Variants in ESRP1 observed in about 807,000 individuals in gnomAD.
ESRP1 encodes epithelial splicing regulatory protein 1.
ESRP1 carries 33 observed loss-of-function variants against 81.7 expected under a neutral mutation model. That is an observed-to-expected ratio of 0.40 (90% CI 0.31 to 0.54). The LOEUF (loss-of-function observed/expected upper bound fraction) is 0.54. Among genes scored for constraint, ESRP1 ranks in the 20% least tolerant of loss-of-function variants. The pLI is 0.41. For missense variants in ESRP1, 672 were observed against 833.1 expected, an observed-to-expected ratio of 0.81 and a Z score of 2.38; for synonymous variants, 320 against 303.3, an observed-to-expected ratio of 1.06 and a Z score of -0.57.
At chr8:94,675,899 G>A (rs1819564239) in intron 12 of ESRP1, among the ~76,000 whole-genome samples, 1 of 152,208 alleles carries the variant, frequency 6.6e-6, no homozygotes, top group South Asian at 2.1e-4. Flanking sequence ...GGAGGCCAAG[G>A]TGGGAGGATC....
intron 14 of ESRP1, among the ~76,000 whole-genome samples, 175 bp from the exon 15 acceptor site, chr8:94,696,677 A>T (rs991203343): frequency 6.6e-6 from 1 of 152,176 alleles, no homozygotes; most frequent in African/African-American, 2.4e-5. Flanking sequence ...TGGTATTTAA[A>T]CATGTTAAGA....
In ESRP1 at chr8:94,696,844, C is replaced by T. The variant is rs372780828; in HGVS notation, c.1972-8C>T. On this transcript the variant is annotated splice_region_variant and splice_polypyrimidine_tract_variant and intron_variant, in intron 14 of 15. Coordinates refer to ENST00000433389, the MANE Select transcript of ESRP1 (RefSeq NM_017697.4). ...TTTTGATCTTGTTTGTTTTAACTTGCATTTTAGTATGCAACCGAGGATGGA... is the reference window on the plus strand; with the variant it reads ...TTTTGATCTTGTTTGTTTTAACTTGTATTTTAGTATGCAACCGAGGATGGA... The T allele has an allele frequency of 1.3e-6, 2 of 1,567,488 alleles. No individual in the cohort carries two copies. The highest frequency in any genetic ancestry group is 1.4e-5 in the African/African-American group (1 of 73,882).
In ESRP1 at chr8:94,689,407, T is replaced by C. The variant is rs75073315; in HGVS notation, c.1821-3270T>C. ...TCTAAGTCTATTATTTTTGATGCTA[T>C]AGTGAATGGAATTGTTTTATTTTTG... On this transcript the variant is annotated intron_variant, in intron 13 of 15. Transcript: ENST00000433389. Among the ~76,000 whole-genome samples, 496 of 152,236 alleles carry C rather than the reference T, an allele frequency of 3.3e-3. 3 individuals carry two copies. The highest frequency in any genetic ancestry group is 0.011 in the African/African-American group (470 of 41,550).
At chr8:94,671,909 C>T (rs749206451) in intron 11 of ESRP1, among the ~76,000 whole-genome samples, 1 of 152,122 alleles carries the variant, frequency 6.6e-6, no homozygotes, top group Non-Finnish European at 1.5e-5. Flanking sequence ...TAAGGAAAGA[C>T]TTAACTGTAA....
intron 3 of ESRP1, among the ~76,000 whole-genome samples, 185 bp from the exon 4 acceptor site, chr8:94,645,983 G>A (rs2130535905): frequency 6.6e-6 from 1 of 152,232 alleles, no homozygotes; most frequent in Admixed American, 6.5e-5. Context: ...TTTTTTTCAT[G>A]AGACTTGTAC....
chr8:94,657,497 G>C (rs1320209764), intron 4 of ESRP1, among the ~76,000 whole-genome samples: 1 of 151,676 alleles, frequency 6.6e-6, no homozygotes, highest in Non-Finnish European at 1.5e-5. Context: ...GTGTGTGTGT[G>C]TGTGTGTAAG....
chr8:94,669,443 C>CT, intron 10 of ESRP1, among the ~76,000 whole-genome samples: 1 of 152,176 alleles, frequency 6.6e-6, no homozygotes, highest in East Asian at 1.9e-4. Flanking sequence ...AGTTAAGAAC[C>CT]TTTTTACCTA....
rs538848501 is a variant in ESRP1, at chr8:94,658,091, T to C, written c.491-4181T>C. On this transcript the variant is annotated intron_variant, in intron 4 of 15. Transcript: ENST00000433389. ...CACATCCGGCTAATTTTTGTATTTT[T>C]AGTCGAGACAGGAGTTCACCATGTT... is the stretch of plus-strand genomic sequence containing the variant. Among the ~76,000 whole-genome samples the C allele has an allele frequency of 1.6e-4, 24 of 152,320 alleles. No individual in the cohort carries two copies. The East Asian group carries it at 3.9e-3, about 24-fold the overall frequency.
At chr8:94,653,623 C>T (rs2130568577) in intron 4 of ESRP1, among the ~76,000 whole-genome samples, 1 of 152,228 alleles carries the variant, frequency 6.6e-6, no homozygotes, top group Non-Finnish European at 1.5e-5. Context: ...TTATGTGAGA[C>T]TAGAGGTAGA....
At chr8:94,660,743 A>C (rs1301960987) in intron 4 of ESRP1, among the ~76,000 whole-genome samples, 34 of 111,070 alleles carry the variant, frequency 3.1e-4, no homozygotes, top group African/African-American at 9.5e-4. Context: ...AAAAAAAAAA[A>C]CCAAAACAAA....
intron 12 of ESRP1, among the ~76,000 whole-genome samples, chr8:94,674,937 G>A (rs780648861): frequency 4.0e-5 from 6 of 151,898 alleles, no homozygotes; most frequent in Non-Finnish European, 8.8e-5. Context: ...TTAACTTTTT[G>A]AGCATCAAGT....
intron 11 of ESRP1, among the ~76,000 whole-genome samples, chr8:94,672,040 G>A (rs1030272481): frequency 1.3e-5 from 2 of 152,098 alleles, no homozygotes; most frequent in Admixed American, 1.3e-4. Context: ...AAGTAGGCAT[G>A]ACATATATTA....
At chr8:94,655,344 C>T (rs971546707) in intron 4 of ESRP1, among the ~76,000 whole-genome samples, 3 of 150,832 alleles carry the variant, frequency 2.0e-5, no homozygotes. Context: ...GCCTCGGCCT[C>T]CCTAAATGCT....
At chr8:94,642,815 C>G (rs1056038935) in intron 2 of ESRP1, among the ~76,000 whole-genome samples, 1 of 152,192 alleles carries the variant, frequency 6.6e-6, no homozygotes, top group Non-Finnish European at 1.5e-5. Flanking sequence ...CTCACGACCT[C>G]TGCCCTAGCA....
At chr8:94,684,142 C>CG (rs11400841) in intron 13 of ESRP1, among the ~76,000 whole-genome samples, 57,862 of 151,766 alleles carry the variant, frequency 0.38, 11,258 homozygotes, top group East Asian at 0.55. Flanking sequence ...CCACTGCGCA[C>CG]GCCTTGGGGT....
chr8:94,664,671 A>G lies in ESRP1; in HGVS notation c.645-26A>G, dbSNP rs1184648461. On this transcript the variant is annotated intron_variant, in intron 6 of 15. Transcript: ENST00000433389. ...TCTGACTTGCTAGCATTTATCATGC[A>G]ACCTGAAGTTTTGCTTCATCCACAG... 16 of 1,562,294 alleles carry G rather than the reference A, an allele frequency of 1.0e-5. No homozygotes were observed. The East Asian group carries it at 3.4e-4, about 33-fold the overall frequency.
intron 15 of ESRP1, among the ~76,000 whole-genome samples, chr8:94,700,827 G>T (rs982810209): frequency 6.6e-6 from 1 of 151,970 alleles, no homozygotes; most frequent in African/African-American, 2.4e-5. Context: ...TACTCGGGAG[G>T]CTGGGGCAGG....
chr8:94,641,288 ACC>A lies in ESRP1; in HGVS notation c.-25_-24del. 2 of 1,030,340 alleles carry A rather than the reference ACC, an allele frequency of 1.9e-6. No individual in the cohort carries two copies. Among genetic ancestry groups the A allele is most frequent in the Non-Finnish European group, 2.9e-6 (2 of 679,824 alleles). The allele number at this position is 1,030,340 out of a possible 1,614,324, so 63.8% of individuals were successfully genotyped here. On this transcript the variant is annotated 5_prime_UTR_variant, in exon 1 of 16. Transcript: ENST00000433389. The stretch of plus-strand genomic sequence containing the variant: ...TTCCACACCACCTTACCGCCTCCCG[ACC>A]CCCCCTCTCCCCCTCCCCACCTATC...
intron 12 of ESRP1, among the ~76,000 whole-genome samples, chr8:94,677,889 G>A (rs1808707815): frequency 6.6e-6 from 1 of 152,114 alleles, no homozygotes; most frequent in Admixed American, 6.6e-5. Flanking sequence ...GAGTTGGTTT[G>A]TAGTAACTGG....
Sources: allele counts gnomAD v4.1 joint callset (sites outside exome capture counted in the v4.1 genomes callset), GRCh38; gene constraint gnomAD v4.1.1; transcripts MANE v1.5; gene names NCBI Gene and HGNC (gene_info 2026-07-23, HGNC 2026-07-21).